FAM117A: variants seen among roughly 807,000 people sequenced by gnomAD.
The protein encoded by FAM117A is family with sequence similarity 117 member A.
A neutral mutation model predicts 44.1 loss-of-function variants in FAM117A; 21 were observed. The ratio of observed to expected loss-of-function variants is 0.48; its 90% confidence interval spans 0.34 to 0.69. The LOEUF (loss-of-function observed/expected upper bound fraction) is 0.69, where lower values mean the gene tolerates loss of function less well. Among genes scored for constraint, FAM117A ranks in the 30% least tolerant of loss-of-function variants. The pLI, the probability that FAM117A is intolerant of heterozygous loss-of-function variation, is 0.01. For synonymous variants in FAM117A, 220 were observed against 238.3 expected (o/e 0.92, Z 0.71); for missense variants, 498 against 589.9 (o/e 0.84, Z 1.61).
At chr17:49,770,921 A>C (rs184907282) in intron 1 of FAM117A, among the ~76,000 whole-genome samples, 2 of 151,412 alleles carry the variant, frequency 1.3e-5, no homozygotes, top group Admixed American at 1.3e-4. Flanking sequence ...TAAAAATAAA[A>C]ATAGGCTGGG....
intron 1 of FAM117A, among the ~76,000 whole-genome samples, chr17:49,772,206 T>C (rs1265991573): frequency 6.6e-6 from 1 of 151,856 alleles, no homozygotes; most frequent in Non-Finnish European, 1.5e-5. Context: ...GGTGGGAGGA[T>C]TGCTTAACCC....
chr17:49,721,408 TTCC>T (rs2073533483), intron 3 of FAM117A, among the ~76,000 whole-genome samples: 1 of 152,222 alleles, frequency 6.6e-6, no homozygotes, highest in Admixed American at 6.5e-5. Context: ...AGAAAGAGCT[TTCC>T]AATTTGCTAT....
At chr17:49,765,971 A>G (rs1198639509), upstream of FAM117A, among the ~76,000 whole-genome samples, 1 of 152,204 alleles carries the variant, frequency 6.6e-6, no homozygotes, top group Non-Finnish European at 1.5e-5. Context: ...GATCTCTAAC[A>G]CATCATATTG....
At chr17:49,778,912 G>A (rs188457302) in intron 1 of FAM117A, among the ~76,000 whole-genome samples, 152 of 152,382 alleles carry the variant, frequency 1.0e-3, no homozygotes, top group African/African-American at 3.4e-3. Flanking sequence ...GAGCATGGCA[G>A]TGGGGGCCTT....
intron 1 of FAM117A, 158 bp from the exon 2 acceptor site, chr17:49,732,878 T>A (rs1043957012): frequency 2.7e-6 from 2 of 735,790 alleles, no homozygotes; most frequent in African/African-American, 3.5e-5. Flanking sequence ...ACAGCACATA[T>A]GGTCTGACAA....
chr17:49,774,363 C>CT (rs71146936), intron 1 of FAM117A, among the ~76,000 whole-genome samples: 126,799 of 144,272 alleles, frequency 0.88, 55,762 homozygotes, highest in South Asian at 0.94. Flanking sequence ...CCAGGCTGGT[C>CT]TTTTTTTTTT....
chr17:49,737,340 A>G (rs529571836), intron 1 of FAM117A, among the ~76,000 whole-genome samples: 73 of 152,310 alleles, frequency 4.8e-4, no homozygotes, highest in African/African-American at 1.7e-3. Context: ...ATGCTGTCCT[A>G]CGGGCCTCCA....
At position 49,750,009 on chromosome 17, in the gene FAM117A, G is replaced by A. The variant is rs2073669999; in HGVS notation, c.196+13883C>T. Among the ~76,000 whole-genome samples, 2 of 148,792 alleles carry A rather than the reference G, an allele frequency of 1.3e-5. 1 individual carries two copies. Among genetic ancestry groups the A allele is most frequent in the South Asian group, 4.2e-4 (2 of 4,750 alleles). On this transcript the variant is annotated intron_variant, in intron 1 of 7. Coordinates refer to ENST00000240364, the MANE Select transcript of FAM117A (RefSeq NM_030802.4). Reference sequence around the variant, plus strand: ...GAGTAAGATATGTTATCAGGATGTAGAAGAAAATTTCCATTCCAGAGAACT... The same window carrying A: ...GAGTAAGATATGTTATCAGGATGTAAAAGAAAATTTCCATTCCAGAGAACT...
At chr17:49,788,602 C>T (rs921884702), upstream of FAM117A, 28 of 456,558 alleles carry the variant, frequency 6.1e-5, no homozygotes, top group African/African-American at 5.5e-4. Flanking sequence ...TTCCCAGCAC[C>T]CTCTCTGGCC....
At chr17:49,743,334 A>G (rs1398818051) in intron 1 of FAM117A, among the ~76,000 whole-genome samples, 1 of 152,102 alleles carries the variant, frequency 6.6e-6, no homozygotes, top group Non-Finnish European at 1.5e-5. Flanking sequence ...GGTGGTTCCT[A>G]CCAGTAAGTC....
At chr17:49,763,312 C>G (rs2073729990) in intron 1 of FAM117A, among the ~76,000 whole-genome samples, 1 of 152,092 alleles carries the variant, frequency 6.6e-6, no homozygotes, top group African/African-American at 2.4e-5. Flanking sequence ...GTCCAGCGGG[C>G]TGAGATGAAA....
intron 1 of FAM117A, among the ~76,000 whole-genome samples, chr17:49,734,296 T>G (rs2073600652): frequency 6.6e-6 from 1 of 151,822 alleles, no homozygotes; most frequent in African/African-American, 2.4e-5. Flanking sequence ...GAACTTTATA[T>G]TAAAAAGACA....
At chr17:49,715,984 T>G (rs1375703278) in intron 7 of FAM117A, among the ~76,000 whole-genome samples, 181 bp downstream of exon 7, 1 of 152,188 alleles carries the variant, frequency 6.6e-6, no homozygotes, top group African/African-American at 2.4e-5. Flanking sequence ...GAGATAATGA[T>G]AAGCAAAGAT....
At chr17:49,720,290 A>G in intron 4 of FAM117A, 36 bp downstream of exon 4, 1 of 1,544,722 alleles carries the variant, frequency 6.5e-7, no homozygotes, top group Non-Finnish European at 8.9e-7. Flanking sequence ...TGCATGGAGG[A>G]GAACAGAGGG....
intron 1 of FAM117A, among the ~76,000 whole-genome samples, chr17:49,777,785 G>A (rs775406483): frequency 1.3e-5 from 2 of 152,150 alleles, no homozygotes; most frequent in Non-Finnish European, 2.9e-5. Flanking sequence ...CCAGGCACTG[G>A]TTGCCCTGAG....
intron 7 of FAM117A, among the ~76,000 whole-genome samples, chr17:49,715,414 C>G (rs2073497698): frequency 6.6e-6 from 1 of 152,174 alleles, no homozygotes; most frequent in Non-Finnish European, 1.5e-5. Context: ...ACTGAAACCC[C>G]AACTTGGTGT....
At chr17:49,727,867 A>C (rs1216301317) in intron 2 of FAM117A, among the ~76,000 whole-genome samples, 1 of 152,208 alleles carries the variant, frequency 6.6e-6, no homozygotes, top group Non-Finnish European at 1.5e-5. Context: ...CTGGGAACGT[A>C]ACCCACTATC....
chr17:49,765,506 GA>G (rs2073742813), upstream of FAM117A: 2 of 152,186 alleles, frequency 1.3e-5, no homozygotes, highest in African/African-American at 4.8e-5. Context: ...ACCCAAAGTG[GA>G]AATTCAAGAG....
upstream of FAM117A, chr17:49,764,170 C>T: frequency 5.7e-6 from 4 of 707,488 alleles, no homozygotes; most frequent in East Asian, 6.6e-5. Flanking sequence ...ATCTGCTGTA[C>T]GGGGCGGGGA....
Sources: gnomAD v4.1 joint callset for allele counts (sites outside exome capture counted in the v4.1 genomes callset) on GRCh38, gnomAD v4.1.1 for gene constraint, MANE v1.5 for transcripts, NCBI Gene and HGNC (gene_info 2026-07-23, HGNC 2026-07-21) for gene names.